The following ZXDC variants were observed in gnomAD, a reference collection of about 807,000 sequenced individuals.
The protein encoded by ZXDC is ZXD family zinc finger C, also known as zinc finger protein ZXDC.
Under a neutral mutation model 63.6 loss-of-function variants are expected in ZXDC, and 58 were observed. That is an observed-to-expected ratio of 0.91 (90% CI 0.74 to 1.13). ZXDC has a LOEUF of 1.13. Among genes scored for constraint, ZXDC ranks in the 50% most tolerant of loss-of-function variants. The pLI, the probability that ZXDC is intolerant of heterozygous loss-of-function variation, is 0.00. For synonymous variants in ZXDC, 561 were observed against 496.1 expected (o/e 1.13, Z -1.74); for missense variants, 1,133 against 1,148.9 (o/e 0.99, Z 0.20).
At chr3:126,447,883 C>T (rs1331303616) in intron 7 of ZXDC, among the ~76,000 whole-genome samples, 2 of 152,220 alleles carry the variant, frequency 1.3e-5, no homozygotes, top group African/African-American at 2.4e-5. Flanking sequence ...GATTCCCATG[C>T]CTGCTTCACC....
In ZXDC at chr3:126,475,791, G is replaced by C; in HGVS notation, c.75C>G (p.Arg25=). The C allele has an allele frequency of 9.0e-7, 1 of 1,107,658 alleles. No homozygotes were observed. The highest frequency in any genetic ancestry group is 1.1e-6 in the Non-Finnish European group (1 of 909,902). 68.6% of individuals were successfully genotyped at this position (1,107,658 alleles called of 1,614,324 possible). A position where few individuals can be genotyped will look rare whatever the true frequency, so the allele number is the denominator to read the frequency against. Residue 25 remains arginine, a synonymous_variant, in exon 1 of 10, where the codon CGC becomes CGG. Coordinates refer to ENST00000389709, the MANE Select transcript of ZXDC (RefSeq NM_025112.5). ...TCGCGCCGAGCGGCGCTGGGGCTCG[G>C]CGGAGCGGGCCGGGGCCGCCGCCAT... ...GQHGGGPGPL[R]RAPAPLGASP... is the part of the protein sequence containing the mutation.
rs1248381447 is a variant in ZXDC, at chr3:126,475,202, A to G, written c.664T>C (p.Ser222Pro). Residue 222 changes from serine (S) to proline (P), a missense_variant, in exon 1 of 10, where the codon TCC becomes CCC. Physicochemically the swap from Ser to Pro is moderately conservative, Grantham distance 74. Coordinates refer to ENST00000389709, the MANE Select transcript of ZXDC (RefSeq NM_025112.5). Reference sequence around the variant, plus strand: ...TGCAGGTGCCGCTTGAGCTTGTAGGACGTTGTGAAGGCCCAACCACAGCCC... The same window carrying G: ...TGCAGGTGCCGCTTGAGCTTGTAGGGCGTTGTGAAGGCCCAACCACAGCCC... The part of the protein sequence containing the change: ...LEGCGWAFTT[S>P]YKLKRHLQSH... 3.2e-6 allele frequency: 5 copies of G among 1,584,542 alleles called. No homozygotes were observed. The Admixed American group carries it at 5.4e-5, about 17-fold the overall frequency.
rs996347230 is a variant in ZXDC at position 126,453,710 on chromosome 3, T to A, written c.2212+5943A>T. ...AGCTTTTATTTTTTTTCTTTTTTTTTGGCGAAGGAGTTTCGCTCTTGTTGC... is the reference window on the plus strand; with the variant it reads ...AGCTTTTATTTTTTTTCTTTTTTTTAGGCGAAGGAGTTTCGCTCTTGTTGC... On this transcript the variant is annotated intron_variant, in intron 7 of 9. Coordinates refer to ENST00000389709, the MANE Select transcript of ZXDC (RefSeq NM_025112.5). The A allele has an allele frequency of 6.1e-6, 6 of 984,210 alleles. 1 individual carries two copies. Among genetic ancestry groups the A allele is most frequent in the African/African-American group, 3.5e-5 (2 of 57,200 alleles). The allele number at this position is 984,210 out of a possible 1,614,324, so 61.0% of individuals were successfully genotyped here. A position where few individuals can be genotyped will look rare whatever the true frequency, so the allele number is the denominator to read the frequency against.
intron 8 of ZXDC, 165 bp downstream of exon 8, chr3:126,441,593 CTGGGCTG>C: frequency 7.4e-7 from 1 of 1,343,876 alleles, no homozygotes; most frequent in Non-Finnish European, 9.5e-7. Flanking sequence ...AAGGGAGGAG[CTGGGCTG>C]TGAGGAGACA....
At chr3:126,473,691 G>GA (rs1363534130) in intron 1 of ZXDC, among the ~76,000 whole-genome samples, 1 of 152,154 alleles carries the variant, frequency 6.6e-6, no homozygotes, top group Non-Finnish European at 1.5e-5. Context: ...ATATGCGAGG[G>GA]AAAAAATAAT....
intron 7 of ZXDC, among the ~76,000 whole-genome samples, chr3:126,456,367 G>A (rs543478049): frequency 1.3e-5 from 2 of 152,192 alleles, no homozygotes; most frequent in Non-Finnish European, 2.9e-5. Context: ...TGGAGGCCTC[G>A]GGCACACAGC....
chr3:126,451,078 C>T (rs748890860), intron 7 of ZXDC: 29 of 977,066 alleles, frequency 3.0e-5, no homozygotes, highest in Non-Finnish European at 3.3e-5. Context: ...TCCCTCAGGC[C>T]CACCAGGCCA....
rs148790965 is a variant in ZXDC at position 126,458,490 on chromosome 3, G to A, written c.2212+1163C>T. On this transcript the variant is annotated intron_variant, in intron 7 of 9. Transcript: ENST00000389709. Reference sequence around the variant, plus strand: ...TGACCTCAGGTGATCCACCCACCTCGGCCTCCCAAAGTGCTGGGATTACAG... The same window carrying A: ...TGACCTCAGGTGATCCACCCACCTCAGCCTCCCAAAGTGCTGGGATTACAG... The A allele has an allele frequency of 0.011, 7,355 of 667,150 alleles. 456 individuals carry two copies. In the African/African-American group the frequency reaches 0.13, roughly 12 times the overall value. 41.3% of individuals were successfully genotyped at this position (667,150 alleles called of 1,614,324 possible). A position where few individuals can be genotyped will look rare whatever the true frequency, so the allele number is the denominator to read the frequency against.
chr3:126,446,979 G>A (rs2107632576), intron 7 of ZXDC, among the ~76,000 whole-genome samples: 1 of 152,292 alleles, frequency 6.6e-6, no homozygotes, highest in South Asian at 2.1e-4. Flanking sequence ...AAACCCACAT[G>A]ACCAGCCCTG....
chr3:126,475,173 C>G lies in ZXDC; in HGVS notation c.693G>C (p.Ser231=), dbSNP rs537751576. Residue 231 remains serine, a synonymous_variant, in exon 1 of 10, where the codon TCG becomes TCC. Coordinates refer to ENST00000389709, the MANE Select transcript of ZXDC (RefSeq NM_025112.5). ...AGCCGAAGGGCCGCAGCTTGTCGTG[C>G]GACTGCAGGTGCCGCTTGAGCTTGT... ...TSYKLKRHLQ[S]HDKLRPFGCP... The G allele has an allele frequency of 6.2e-7, 1 of 1,600,584 alleles. No homozygotes were observed. The highest frequency in any genetic ancestry group is 1.3e-5 in the African/African-American group (1 of 74,634).
At chr3:126,474,090 T>A (rs1799397) in intron 1 of ZXDC, among the ~76,000 whole-genome samples, 89,172 of 143,030 alleles carry the variant, frequency 0.62, 27,813 homozygotes, top group South Asian at 0.75. Context: ...TTTGAGACGG[T>A]GTCTCGCTCT....
In ZXDC at chr3:126,438,315, A is replaced by G; in HGVS notation, c.*60T>C. 7.0e-7 allele frequency: 1 copy of G among 1,431,794 alleles called. No individual in the cohort carries two copies. The highest frequency in any genetic ancestry group is 1.9e-5 in the Admixed American group (1 of 53,292). The allele number at this position is 1,431,794 out of a possible 1,614,324, so 88.7% of individuals were successfully genotyped here. A position where few individuals can be genotyped will look rare whatever the true frequency, so the allele number is the denominator to read the frequency against. On this transcript the variant is annotated 3_prime_UTR_variant, in exon 10 of 10. Coordinates refer to ENST00000389709, the MANE Select transcript of ZXDC (RefSeq NM_025112.5). ...GAGGTCTCCCCAGGCTCATGTCATGAGTCTCAGGGAAGGTGTGTCCTAGAC... is the reference window on the plus strand; with the variant it reads ...GAGGTCTCCCCAGGCTCATGTCATGGGTCTCAGGGAAGGTGTGTCCTAGAC...
chr3:126,459,286 G>A (rs956156017), intron 7 of ZXDC: 1 of 985,406 alleles, frequency 1.0e-6, no homozygotes, highest in Non-Finnish European at 1.2e-6. Context: ...CAGTCCCCAG[G>A]TCTCTGCCAT....
chr3:126,463,407 C>A (rs1934636557), intron 5 of ZXDC, among the ~76,000 whole-genome samples: 1 of 152,134 alleles, frequency 6.6e-6, no homozygotes, highest in African/African-American at 2.4e-5. Flanking sequence ...CATCTGGAGT[C>A]TTAATTTCTG....
At chr3:126,468,974 CACA>C (rs1472506294) in intron 4 of ZXDC, among the ~76,000 whole-genome samples, 3 of 152,218 alleles carry the variant, frequency 2.0e-5, no homozygotes, top group African/African-American at 4.8e-5. Flanking sequence ...TAACAGCAAT[CACA>C]ACAACGACAG....
intron 5 of ZXDC, among the ~76,000 whole-genome samples, chr3:126,463,193 C>T (rs1361846336): frequency 2.0e-5 from 3 of 151,938 alleles, no homozygotes; most frequent in Non-Finnish European, 2.9e-5. Context: ...CTCAGCTCCC[C>T]GAGTAACTGG....
chr3:126,453,331 C>T, intron 7 of ZXDC: 1 of 985,386 alleles, frequency 1.0e-6, no homozygotes, highest in Non-Finnish European at 1.2e-6. Context: ...GCCATATCCC[C>T]TTAAGGATAT....
intron 5 of ZXDC, 64 bp from the exon 6 acceptor site, chr3:126,462,284 T>A: frequency 6.6e-7 from 1 of 1,512,502 alleles, no homozygotes; most frequent in Non-Finnish European, 8.8e-7. Context: ...CTTTTGTTTA[T>A]GCCCATGATG....
In ZXDC at chr3:126,461,571, G is replaced by C; in HGVS notation, c.2091C>G (p.Asp697Glu). 1.2e-6 allele frequency: 2 copies of C among 1,614,022 alleles called. No individual in the cohort carries two copies. Among genetic ancestry groups the C allele is most frequent in the Non-Finnish European group, 1.7e-6 (2 of 1,179,890 alleles). Residue 697 changes from aspartate to glutamate, a missense_variant, in exon 6 of 10, where the codon GAC (aspartate) becomes GAG (glutamate). Coordinates refer to ENST00000389709, the MANE Select transcript of ZXDC (RefSeq NM_025112.5). Reference sequence around the variant, plus strand: ...TGCCAGTGCCTGCACTGAGCTCTGTGTCCTGGGCACCGTGCTGCTCTGCTG... The same window carrying C: ...TGCCAGTGCCTGCACTGAGCTCTGTCTCCTGGGCACCGTGCTGCTCTGCTG... ...PSPAEQHGAQ[D>E]TELSAGTGNF...
Sources: gnomAD v4.1 joint callset for allele counts (sites outside exome capture counted in the v4.1 genomes callset) on GRCh38, gnomAD v4.1.1 for gene constraint, MANE v1.5 for transcripts, NCBI Gene and HGNC (gene_info 2026-07-23, HGNC 2026-07-21) for gene names.